Variants in SAMD4A observed in about 807,000 individuals in gnomAD.
SAMD4A encodes the protein sterile alpha motif domain containing 4A, also known as protein Smaug homolog 1.
SAMD4A carries 33 observed loss-of-function variants against 81.3 expected under a neutral mutation model. The ratio of observed to expected loss-of-function variants is 0.41; its 90% CI spans 0.31 to 0.54. The LOEUF is 0.54. SAMD4A is among the 20% of genes least tolerant of loss of function. The pLI, the probability that SAMD4A is intolerant of heterozygous loss-of-function variation, is 0.37. For synonymous variants in SAMD4A, 389 were observed against 382.1 expected (o/e 1.02, Z -0.21); for missense variants, 854 against 951.1 (o/e 0.90, Z 1.34).
At chr14:54,624,813 A>G (rs2034707341) in intron 2 of SAMD4A, among the ~76,000 whole-genome samples, 1 of 152,202 alleles carries the variant, frequency 6.6e-6, no homozygotes, top group Non-Finnish European at 1.5e-5. Flanking sequence ...GTGGCCATAA[A>G]TAACTAAATC....
At chr14:54,672,620 AT>A (rs1465821402) in intron 2 of SAMD4A, among the ~76,000 whole-genome samples, 1 of 152,230 alleles carries the variant, frequency 6.6e-6, no homozygotes, top group South Asian at 2.1e-4. Flanking sequence ...GTTATCATGA[AT>A]TTTTTTTAAA....
intron 3 of SAMD4A, among the ~76,000 whole-genome samples, chr14:54,707,589 G>A (rs2036890942): frequency 6.6e-6 from 1 of 152,062 alleles, no homozygotes; most frequent in Non-Finnish European, 1.5e-5. Flanking sequence ...GTATATGTGT[G>A]GTAGAAGATG....
intron 2 of SAMD4A, among the ~76,000 whole-genome samples, chr14:54,612,099 A>C (rs561063518): frequency 6.6e-6 from 1 of 152,168 alleles, no homozygotes; most frequent in African/African-American, 2.4e-5. Context: ...TCTGAATTGC[A>C]TTTATTTACT....
intron 6 of SAMD4A, among the ~76,000 whole-genome samples, chr14:54,758,601 G>A (rs1444662484): frequency 3.3e-5 from 5 of 152,282 alleles, no homozygotes; most frequent in East Asian, 1.9e-4. Flanking sequence ...AGGCTGAGGC[G>A]GACGGACCAC....
chr14:54,587,860 TG>T (rs754699851), intron 2 of SAMD4A, among the ~76,000 whole-genome samples: 4 of 152,188 alleles, frequency 2.6e-5, no homozygotes, highest in Non-Finnish European at 5.9e-5. Flanking sequence ...TTTTTTGTTA[TG>T]CCTTTCCCTG....
At chr14:54,665,368 C>T (rs182165955) in intron 2 of SAMD4A, among the ~76,000 whole-genome samples, 14 of 152,260 alleles carry the variant, frequency 9.2e-5, no homozygotes, top group Admixed American at 2.6e-4. Context: ...CTCCAATAAA[C>T]AAGAGACTGT....
At chr14:54,687,495 T>C in intron 2 of SAMD4A, 1 of 389,102 alleles carries the variant, frequency 2.6e-6, no homozygotes, top group Non-Finnish European at 5.1e-6. Flanking sequence ...ATTCAGTTAA[T>C]TCATTCCCAC....
chr14:54,588,874 G>T (rs866834575), intron 2 of SAMD4A, among the ~76,000 whole-genome samples: 8 of 152,180 alleles, frequency 5.3e-5, no homozygotes, highest in Middle Eastern at 3.4e-3. Flanking sequence ...GACAGGAAAA[G>T]GATTTTTAAG....
intron 2 of SAMD4A, chr14:54,692,878 C>A (rs1017899377): frequency 7.0e-6 from 1 of 141,876 alleles, no homozygotes; most frequent in Admixed American, 7.0e-5. Context: ...CACTTAGTGC[C>A]CCCCCCCGCA....
chr14:54,567,913 A>G lies in SAMD4A; in HGVS notation c.-4A>G, dbSNP rs201437184. 1.5e-5 allele frequency: 24 copies of G among 1,605,738 alleles called. No individual in the cohort carries two copies. The East Asian group carries it at 2.7e-4, about 18-fold the overall frequency. ...CTCTGTAGACCGAGGGCGGCCCCCT[A>G]ACCATGATGTTTCGCGACCAGGTCG... On this transcript the variant is annotated 5_prime_UTR_variant, in exon 2 of 13. Transcript: ENST00000554335.
chr14:54,780,614 T>C (rs1029077275), intron 11 of SAMD4A, among the ~76,000 whole-genome samples: 16 of 152,080 alleles, frequency 1.1e-4, no homozygotes, highest in African/African-American at 3.1e-4. Flanking sequence ...GGTAGGGAGA[T>C]TGATAAATAA....
rs2039090827 is a variant in SAMD4A, at chr14:54,784,746, G to A, written c.2128+126G>A. The A allele has an allele frequency of 4.6e-6, 4 of 860,794 alleles. No individual in the cohort carries two copies. The South Asian group carries it at 5.6e-5, about 12-fold the overall frequency. The allele number at this position is 860,794 out of a possible 1,614,324, so 53.3% of individuals were successfully genotyped here. A position where few individuals can be genotyped will look rare whatever the true frequency, so the allele number is the denominator to read the frequency against. On this transcript the variant is annotated intron_variant, in intron 12 of 12. Coordinates refer to ENST00000554335, the MANE Select transcript of SAMD4A (RefSeq NM_015589.6). ...GGGGGAGGACAAGGAGGGGTAGGCA[G>A]GGGACAGGGAGAAAGAGTGGCCTTA...
At chr14:54,699,926 T>C (rs1436226024) in intron 2 of SAMD4A, among the ~76,000 whole-genome samples, 2 of 151,950 alleles carry the variant, frequency 1.3e-5, no homozygotes, top group African/African-American at 2.4e-5. Context: ...CTTCTACAAG[T>C]AGTTGACTCT....
chr14:54,591,295 G>T (rs918227315), intron 2 of SAMD4A, among the ~76,000 whole-genome samples: 1 of 152,118 alleles, frequency 6.6e-6, no homozygotes, highest in Non-Finnish European at 1.5e-5. Flanking sequence ...GGATGTATTC[G>T]TGGTTTTCAC....
intron 2 of SAMD4A, among the ~76,000 whole-genome samples, chr14:54,650,767 G>A (rs1415304028): frequency 6.6e-6 from 1 of 151,962 alleles, no homozygotes; most frequent in Non-Finnish European, 1.5e-5. Context: ...CTGTCATCTT[G>A]TTTCCCTTTC....
intron 10 of SAMD4A, among the ~76,000 whole-genome samples, 196 bp downstream of exon 10, chr14:54,775,331 G>A (rs143897807): frequency 9.2e-5 from 14 of 152,306 alleles, no homozygotes; most frequent in African/African-American, 3.1e-4. Context: ...GCTGTGTTTA[G>A]GATGCCCAGA....
intron 2 of SAMD4A, among the ~76,000 whole-genome samples, chr14:54,671,665 A>G (rs768404793): frequency 4.6e-5 from 7 of 152,214 alleles, no homozygotes; most frequent in Non-Finnish European, 8.8e-5. Context: ...GAACGAACTC[A>G]GTCTTCCAGA....
chr14:54,588,265 C>A (rs2033678694), intron 2 of SAMD4A, among the ~76,000 whole-genome samples: 1 of 151,750 alleles, frequency 6.6e-6, no homozygotes, highest in African/African-American at 2.4e-5. Context: ...TTATTTGGAT[C>A]CTCTCTCTTC....
rs11406251 is a variant in SAMD4A, at chr14:54,669,445, C to CTTTTT, written c.197-32599_197-32595dup. 3.8e-3 allele frequency among the ~76,000 whole-genome samples: 391 copies of CTTTTT among 102,342 alleles called. 6 individuals carry two copies. Among genetic ancestry groups the CTTTTT allele is most frequent in the Middle Eastern group, 0.011 (2 of 180 alleles). 67.1% of individuals were successfully genotyped at this position (102,342 alleles called of 152,430 possible). ...TTATTTTTAGAAGCAACGCTTCTTT[C>CTTTTT]TTTTTTTTTTTTTTTTTTTTTTAGA... is the stretch of plus-strand genomic sequence containing the variant. On this transcript the variant is annotated intron_variant, in intron 2 of 12. Coordinates refer to ENST00000554335, the MANE Select transcript of SAMD4A (RefSeq NM_015589.6).
Sources: allele counts gnomAD v4.1 joint callset (sites outside exome capture counted in the v4.1 genomes callset), GRCh38; gene constraint gnomAD v4.1.1; transcripts MANE v1.5; gene names NCBI Gene and HGNC (gene_info 2026-07-23, HGNC 2026-07-21).